Variants in ARHGAP17 observed in about 807,000 individuals in gnomAD.
The protein encoded by ARHGAP17 is rho GTPase-activating protein 17.
In ARHGAP17, 57 loss-of-function variants were observed where a neutral mutation model predicts 99.5. The observed-to-expected ratio is 0.57, with a 90% CI of 0.46 to 0.71. The LOEUF (loss-of-function observed/expected upper bound fraction) is 0.71, where lower values mean the gene tolerates loss of function less well. Among genes scored for constraint, ARHGAP17 ranks in the 30% least tolerant of loss-of-function variants. The pLI is 0.00. For missense variants in ARHGAP17, 1,000 were observed against 1,122.4 expected (o/e 0.89, Z 1.56); for synonymous variants, 417 against 429.6 (o/e 0.97, Z 0.36).
intron 1 of ARHGAP17, among the ~76,000 whole-genome samples, chr16:24,992,868 G>A (rs779363815): frequency 7.9e-5 from 12 of 152,170 alleles, no homozygotes; most frequent in Admixed American, 2.0e-4. Flanking sequence ...TGGTGCGATC[G>A]TAACTTATTT....
chr16:24,985,507 G>C (rs1482464613), intron 1 of ARHGAP17, among the ~76,000 whole-genome samples: 1 of 151,992 alleles, frequency 6.6e-6, no homozygotes, highest in African/African-American at 2.4e-5. Flanking sequence ...GTTCACTCTG[G>C]GCCTCTCTGC....
chr16:24,950,545 T>C (rs1462032952), intron 12 of ARHGAP17, among the ~76,000 whole-genome samples: 2 of 151,990 alleles, frequency 1.3e-5, no homozygotes, highest in Non-Finnish European at 2.9e-5. Context: ...AGAGAAAAGC[T>C]CAAATGCGGC....
intron 1 of ARHGAP17, among the ~76,000 whole-genome samples, chr16:24,982,108 A>T (rs896535202): frequency 2.9e-5 from 4 of 139,330 alleles, no homozygotes; most frequent in Non-Finnish European, 6.2e-5. Flanking sequence ...TTTTTTTTTT[A>T]AATCAATTTT....
intron 1 of ARHGAP17, among the ~76,000 whole-genome samples, chr16:24,983,171 A>AT (rs2052754821): frequency 6.6e-6 from 1 of 150,574 alleles, no homozygotes; most frequent in Non-Finnish European, 1.5e-5. Flanking sequence ...CGCTCAGCTA[A>AT]TTTTTCTATT....
chr16:24,954,768 C>T, intron 9 of ARHGAP17, 38 bp from the exon 10 acceptor site: 2 of 1,608,674 alleles, frequency 1.2e-6, no homozygotes, highest in African/African-American at 1.3e-5. Context: ...ACCCAACAAA[C>T]TCACGGCATT....
At chr16:25,013,526 C>T (rs556374339) in intron 1 of ARHGAP17, among the ~76,000 whole-genome samples, 85 of 151,820 alleles carry the variant, frequency 5.6e-4, no homozygotes, top group Non-Finnish European at 9.1e-4. Context: ...GTGGCTGAGG[C>T]GAGAGGGTCG....
chr16:25,004,604 C>T (rs1265698256), intron 1 of ARHGAP17, among the ~76,000 whole-genome samples: 3 of 152,168 alleles, frequency 2.0e-5, no homozygotes, highest in African/African-American at 7.2e-5. Flanking sequence ...TTCATTTGAG[C>T]ACCTGTTTAC....
intron 1 of ARHGAP17, among the ~76,000 whole-genome samples, chr16:24,983,385 T>G (rs890979560): frequency 2.6e-5 from 4 of 151,908 alleles, no homozygotes; most frequent in Admixed American, 2.6e-4. Context: ...CACAGCAGCC[T>G]TGAACTCCTA....
intron 5 of ARHGAP17, 27 bp from the exon 6 acceptor site, chr16:24,968,454 A>G: frequency 6.2e-7 from 1 of 1,612,790 alleles, no homozygotes; most frequent in Non-Finnish European, 8.5e-7. Context: ...ACCAAATGGG[A>G]TGCACTTCAG....
intron 1 of ARHGAP17, among the ~76,000 whole-genome samples, chr16:25,002,113 A>G (rs972708698): frequency 6.6e-6 from 1 of 152,066 alleles, no homozygotes; most frequent in Non-Finnish European, 1.5e-5. Flanking sequence ...AAACATATAC[A>G]CACACCCAAA....
chr16:24,975,358 G>C (rs2052484348), intron 3 of ARHGAP17, among the ~76,000 whole-genome samples: 1 of 152,202 alleles, frequency 6.6e-6, no homozygotes, highest in South Asian at 2.1e-4. Flanking sequence ...CATAAGAACA[G>C]AGGAGGTGGC....
intron 14 of ARHGAP17, among the ~76,000 whole-genome samples, chr16:24,946,758 G>A (rs2141211856): frequency 6.6e-6 from 1 of 152,238 alleles, no homozygotes; most frequent in South Asian, 2.1e-4. Flanking sequence ...CTTGCTGAAC[G>A]AATCCTTATC....
intron 1 of ARHGAP17, among the ~76,000 whole-genome samples, chr16:24,984,641 G>A (rs1483970002): frequency 2.0e-5 from 3 of 151,152 alleles, no homozygotes; most frequent in African/African-American, 4.9e-5. Flanking sequence ...CAGCCTGGGC[G>A]ACAGAGCAAG....
At chr16:24,930,701 T>C (rs769475921) in intron 19 of ARHGAP17, 83 bp downstream of exon 19, 2 of 1,612,714 alleles carry the variant, frequency 1.2e-6, no homozygotes, top group Admixed American at 3.3e-5. Flanking sequence ...ACACCTGGCA[T>C]AAATCAAAGC....
intron 3 of ARHGAP17, chr16:24,972,452 C>G (rs981518909): frequency 2.0e-4 from 31 of 152,016 alleles, no homozygotes; most frequent in Non-Finnish European, 1.6e-4. Flanking sequence ...CTCCTAGTCT[C>G]AAGCAATCCT....
Position 24,942,108 on chromosome 16 carries a change from G to C in ARHGAP17, c.1369C>G (p.Leu457Val). The C allele has an allele frequency of 6.2e-7, 1 of 1,613,948 alleles. No homozygotes were observed. The highest frequency in any genetic ancestry group is 8.5e-7 in the Non-Finnish European group (1 of 1,179,904). ...EFNVSEAFVP[L>V]TTPSSNHSFH... ...GAGTGATTAGAACTCGGGGTGGTGA[G>C]AGGTACAAATGCTTCTGATACATTA... is the stretch of plus-strand genomic sequence containing the variant. Residue 457 changes from leucine to valine, a missense_variant, in exon 16 of 20, where the codon CTC (leucine) becomes GTC (valine). This residue lies in a region of ARHGAP17 where 472 missense variants were observed against 611.1 expected (regional missense o/e 0.77). Coordinates refer to ENST00000289968, the MANE Select transcript of ARHGAP17 (RefSeq NM_001006634.3).
At chr16:25,015,126 C>G in intron 1 of ARHGAP17, 83 bp downstream of exon 1, 4 of 1,173,884 alleles carry the variant, frequency 3.4e-6, no homozygotes, top group Non-Finnish European at 3.2e-6. Context: ...GCCGCCGGAC[C>G]GCGGAGGAGC....
Position 24,945,821 on chromosome 16 carries a change from A to G in ARHGAP17, c.1241+1661T>C, listed in dbSNP as rs564749284. 3.3e-5 allele frequency among the ~76,000 whole-genome samples: 5 copies of G among 152,328 alleles called. No individual in the cohort carries two copies. The South Asian group carries it at 1.0e-3, about 32-fold the overall frequency. Reference sequence around the variant, plus strand: ...CATTTTTCTTTTAGGAGAGTACTGGAAAGCTAATAAGGGTTAATAAGGACA... The same window carrying G: ...CATTTTTCTTTTAGGAGAGTACTGGGAAGCTAATAAGGGTTAATAAGGACA... On this transcript the variant is annotated intron_variant, in intron 14 of 19. Coordinates refer to ENST00000289968, the MANE Select transcript of ARHGAP17 (RefSeq NM_001006634.3).
At position 25,004,681 on chromosome 16, in the gene ARHGAP17, A is replaced by G. The variant is rs1007745581; in HGVS notation, c.53+10528T>C. On this transcript the variant is annotated intron_variant, in intron 1 of 19. Transcript: ENST00000289968. ...ATTTGGCCAAACCATGTGGAAGAAC[A>G]CTGAGTAACTACAGAAGAAATGCTA... is the stretch of plus-strand genomic sequence containing the variant. Among the ~76,000 whole-genome samples the G allele has an allele frequency of 2.6e-5, 4 of 152,242 alleles. No individual in the cohort carries two copies. In the South Asian group the frequency reaches 8.3e-4, roughly 32 times the overall value.
Sources: gnomAD v4.1 joint callset for allele counts (sites outside exome capture counted in the v4.1 genomes callset) on GRCh38, gnomAD v4.1.1 for gene constraint, gnomAD v4.1.1 regional missense constraint, MANE v1.5 for transcripts, NCBI Gene and HGNC (gene_info 2026-07-23, HGNC 2026-07-21) for gene names.